Variants in EPRS1 observed in about 807,000 individuals in gnomAD.
EPRS1 encodes glutamyl-prolyl-tRNA synthetase 1.
In EPRS1, 107 loss-of-function variants were observed where a neutral mutation model predicts 188.3. That is an observed-to-expected ratio of 0.57 (90% CI 0.49 to 0.67). The LOEUF (loss-of-function observed/expected upper bound fraction) is 0.67. Among genes scored for constraint, EPRS1 ranks in the 30% least tolerant of loss-of-function variants. The pLI, the probability that EPRS1 is intolerant of heterozygous loss-of-function variation, is 0.00. For synonymous variants in EPRS1, 596 were observed against 593.1 expected (o/e 1.00, Z -0.07); for missense variants, 1,577 against 1,802.2 (o/e 0.88, Z 2.26).
chr1:219,979,283 A>C (rs552244120), intron 27 of EPRS1, 135 bp downstream of exon 27: 84 of 634,718 alleles, frequency 1.3e-4, no homozygotes, highest in Non-Finnish European at 2.0e-4. Context: ...TAGGGTCCAG[A>C]CTGCATTCCA....
chr1:219,987,264 A>G lies in EPRS1; in HGVS notation c.2916T>C (p.Ser972=), dbSNP rs1205441994. Residue 972 remains serine, a synonymous_variant, in exon 20 of 32, where the codon TCT becomes TCC. Transcript: ENST00000366923. ...GTTTCTGAGGCTTATTCTGCTTTTC[A>G]GATTTATTTTCTTTTTCTTTCTTCT... The part of the protein sequence containing the change: ...DKKKKEKENK[S]EKQNKPQKQN... 2 of 1,613,758 alleles carry G rather than the reference A, an allele frequency of 1.2e-6. No homozygotes were observed. Among genetic ancestry groups the G allele is most frequent in the African/African-American group, 2.7e-5 (2 of 74,836 alleles).
chr1:220,034,162 T>A (rs892086881), intron 3 of EPRS1, among the ~76,000 whole-genome samples: 1 of 152,206 alleles, frequency 6.6e-6, no homozygotes, highest in Non-Finnish European at 1.5e-5. Flanking sequence ...GACATTTCGG[T>A]CAATGACAGA....
Position 219,968,820 on chromosome 1 carries a change from C to T in EPRS1, c.4525G>A (p.Gly1509Ser). The change falls in exon 32 of 32, where the codon GGT becomes AGT. Residue 1509 changes from glycine (G) to serine (S), a missense_variant. Around this residue, in one of 3 missense-constraint regions of EPRS1, gnomAD observed 296 missense variants for 327.9 expected, o/e 0.90. Coordinates refer to ENST00000366923, the MANE Select transcript of EPRS1 (RefSeq NM_004446.3). ...KNPAKYYTLF[G>S]RSY ...TCGTTCATCCCTCAGTAGCTGCGACCAAATAAGGTGTAGTACTTGGCAGGG... is the reference window on the plus strand; with the variant it reads ...TCGTTCATCCCTCAGTAGCTGCGACTAAATAAGGTGTAGTACTTGGCAGGG... 1.2e-6 allele frequency: 2 copies of T among 1,614,070 alleles called. No individual in the cohort carries two copies. The highest frequency in any genetic ancestry group is 2.2e-5 in the South Asian group (2 of 91,078).
At chr1:219,975,248 G>A (rs951426742) in intron 28 of EPRS1, among the ~76,000 whole-genome samples, 1 of 152,144 alleles carries the variant, frequency 6.6e-6, no homozygotes, top group Non-Finnish European at 1.5e-5. Flanking sequence ...CAGAGCCCAC[G>A]AGGGATAAGG....
At chr1:220,003,845 G>C (rs1661407795) in intron 16 of EPRS1, among the ~76,000 whole-genome samples, 1 of 152,146 alleles carries the variant, frequency 6.6e-6, no homozygotes, top group African/African-American at 2.4e-5. Flanking sequence ...TGACGAAAAA[G>C]CCACAAGGCC....
rs71169429 is a variant in EPRS1, at chr1:220,020,824, T to TTA, written c.1116-605_1116-604dup. The stretch of plus-strand genomic sequence containing the variant: ...ATTTACATGCAGTATCAATTTGAAT[T>TTA]TATATATATATATATATATATATAT... On this transcript the variant is annotated intron_variant, in intron 9 of 31. Transcript: ENST00000366923. Among the ~76,000 whole-genome samples, 266 of 109,130 alleles carry TTA rather than the reference T, an allele frequency of 2.4e-3. 2 individuals are homozygous for TTA. Among genetic ancestry groups the TTA allele is most frequent in the Non-Finnish European group, 3.2e-3 (172 of 54,272 alleles). The allele number at this position is 109,130 out of a possible 152,430, so 71.6% of individuals were successfully genotyped here. A position where few individuals can be genotyped will look rare whatever the true frequency, so the allele number is the denominator to read the frequency against.
Position 220,007,734 on chromosome 1 carries a change from G to A in EPRS1, c.1606-396C>T, listed in dbSNP as rs543897223. 7.9e-5 allele frequency among the ~76,000 whole-genome samples: 12 copies of A among 152,250 alleles called. 1 individual carries two copies. In the East Asian group the frequency reaches 2.3e-3, roughly 29 times the overall value. On this transcript the variant is annotated intron_variant, in intron 13 of 31. Coordinates refer to ENST00000366923, the MANE Select transcript of EPRS1 (RefSeq NM_004446.3). ...CTAAGACAGTATACTTTATCATTTA[G>A]TATCTCTTCAACTAGAATCTGTTTC... is the stretch of plus-strand genomic sequence containing the variant.
intron 9 of EPRS1, 52 bp from the exon 10 acceptor site, chr1:220,020,273 G>C: frequency 8.7e-7 from 1 of 1,145,090 alleles, no homozygotes; most frequent in Non-Finnish European, 1.3e-6. Context: ...TTCCCTCTTA[G>C]ATTAAGCATT....
Position 219,978,714 on chromosome 1 carries a change from C to T in EPRS1, c.3915G>A (p.Val1305=), listed in dbSNP as rs1215015095. ...LPPRVACVQV[V]IIPCGITNAL... is the part of the protein sequence containing the mutation. Reference sequence around the variant, plus strand: ...CATTGGTAATGCCACAAGGAATAATCACCACCTAGAATCAGCACAATGTCC... The same window carrying T: ...CATTGGTAATGCCACAAGGAATAATTACCACCTAGAATCAGCACAATGTCC... Residue 1305 remains valine, a synonymous_variant, in exon 28 of 32, where the codon GTG becomes GTA. Transcript: ENST00000366923. The T allele has an allele frequency of 3.1e-6, 5 of 1,609,072 alleles. No homozygotes were observed. Among genetic ancestry groups the T allele is most frequent in the Non-Finnish European group, 4.2e-6 (5 of 1,177,586 alleles).
chr1:220,005,371 GA>G lies in EPRS1; in HGVS notation c.1951-12del, dbSNP rs1661438892. 1.5e-6 allele frequency: 2 copies of G among 1,290,668 alleles called. No individual in the cohort carries two copies. Among genetic ancestry groups the G allele is most frequent in the Non-Finnish European group, 2.1e-6 (2 of 965,994 alleles). The allele number at this position is 1,290,668 out of a possible 1,614,324, so 80.0% of individuals were successfully genotyped here. The stretch of plus-strand genomic sequence containing the variant: ...CATTAGCTCTTCATGCTGTAAAGAT[GA>G]TATAAACCAAAGTACACTTTCTCAA... On this transcript the variant is annotated splice_polypyrimidine_tract_variant and intron_variant, in intron 15 of 31. Transcript: ENST00000366923.
chr1:219,999,218 G>C (rs1414258700), intron 17 of EPRS1, among the ~76,000 whole-genome samples: 2 of 152,102 alleles, frequency 1.3e-5, no homozygotes, highest in East Asian at 3.9e-4. Context: ...ACACATCACA[G>C]GGAAAAGCAT....
rs369897567 is a variant in EPRS1, at chr1:220,009,023, C to A, written c.1606-1685G>T. Among the ~76,000 whole-genome samples, 108 of 152,186 alleles carry A rather than the reference C, an allele frequency of 7.1e-4. 1 individual carries two copies. Among genetic ancestry groups the A allele is most frequent in the Non-Finnish European group, 9.6e-4 (65 of 68,004 alleles). On this transcript the variant is annotated intron_variant, in intron 13 of 31. Coordinates refer to ENST00000366923, the MANE Select transcript of EPRS1 (RefSeq NM_004446.3). ...CAACTGTCATTTTAAAAAATAAGCACCCTTCAAAACTTTTATTCTCAAGAT... is the reference window on the plus strand; with the variant it reads ...CAACTGTCATTTTAAAAAATAAGCAACCTTCAAAACTTTTATTCTCAAGAT...
chr1:219,972,032 ATATTCT>A, intron 30 of EPRS1, 31 bp downstream of exon 30: 1 of 1,289,448 alleles, frequency 7.8e-7, no homozygotes, highest in Non-Finnish European at 1.1e-6. Flanking sequence ...ATTTACTTAA[ATATTCT>A]TATACTGAAA....
chr1:219,995,747 T>C (rs967439794), intron 18 of EPRS1, among the ~76,000 whole-genome samples: 1 of 152,198 alleles, frequency 6.6e-6, no homozygotes, highest in East Asian at 1.9e-4. Flanking sequence ...TATTAACTCC[T>C]GGGGCAAGAC....
At chr1:219,982,907 A>G in intron 22 of EPRS1, 63 bp from the exon 23 acceptor site, 1 of 1,397,836 alleles carries the variant, frequency 7.2e-7, no homozygotes, top group South Asian at 1.2e-5. Flanking sequence ...AACAGTACAA[A>G]TGCAGGCAAA....
At chr1:220,014,933 T>G (rs573459571) in intron 12 of EPRS1, among the ~76,000 whole-genome samples, 1 of 152,070 alleles carries the variant, frequency 6.6e-6, no homozygotes, top group African/African-American at 2.4e-5. Flanking sequence ...ATTAATACCA[T>G]GAAACAAGAA....
chr1:220,032,102 T>TCTCG (rs1226950127), intron 5 of EPRS1, among the ~76,000 whole-genome samples: 2 of 151,478 alleles, frequency 1.3e-5, no homozygotes, highest in Non-Finnish European at 1.5e-5. Context: ...TGAGATAGAG[T>TCTCG]CTCGCTCTGT....
chr1:220,020,367 C>CA (rs1323054502), intron 9 of EPRS1, 146 bp from the exon 10 acceptor site: 2 of 582,844 alleles, frequency 3.4e-6, no homozygotes, highest in Admixed American at 6.6e-5. Context: ...ACTTAATACT[C>CA]AAAGTGTATC....
At chr1:220,015,515 T>G (rs1021023012) in intron 12 of EPRS1, among the ~76,000 whole-genome samples, 3 of 90,238 alleles carry the variant, frequency 3.3e-5, no homozygotes, top group Non-Finnish European at 4.6e-5. Context: ...AGAAAGAAAA[T>G]AAAAGATGGA....
Sources: gnomAD v4.1 joint callset for allele counts (sites outside exome capture counted in the v4.1 genomes callset) on GRCh38, gnomAD v4.1.1 for gene constraint, gnomAD v4.1.1 regional missense constraint, MANE v1.5 for transcripts, NCBI Gene and HGNC (gene_info 2026-07-23, HGNC 2026-07-21) for gene names.